The following SYNDIG1 variants were observed in gnomAD, a reference collection of about 807,000 sequenced individuals.
SYNDIG1 encodes synapse differentiation-inducing gene protein 1.
SYNDIG1 carries 9 observed loss-of-function variants against 19.4 expected under a neutral mutation model. The ratio of observed to expected loss-of-function variants is 0.46; its 90% CI spans 0.28 to 0.81. The LOEUF is 0.81. Among genes scored for constraint, SYNDIG1 ranks in the 30% least tolerant of loss-of-function variants. The pLI is 0.12. For missense variants in SYNDIG1, 311 were observed against 343.3 expected, an observed-to-expected ratio of 0.91 and a Z score of 0.74; for synonymous variants, 141 against 145.9, an observed-to-expected ratio of 0.97 and a Z score of 0.24.
chr20:24,543,653 C>G, intron 2 of SYNDIG1, 76 bp downstream of exon 2: 1 of 1,537,382 alleles, frequency 6.5e-7, no homozygotes, highest in East Asian at 2.3e-5. Flanking sequence ...GCCATGAATG[C>G]CTGGCAAAAG....
chr20:24,517,420 C>T (rs1440921793), intron 1 of SYNDIG1, among the ~76,000 whole-genome samples: 1 of 150,396 alleles, frequency 6.6e-6, no homozygotes. Flanking sequence ...TCGAGACCAT[C>T]CTGGCTAACA....
At chr20:24,662,757 A>G (rs562213266) in intron 3 of SYNDIG1, among the ~76,000 whole-genome samples, 3 of 152,382 alleles carry the variant, frequency 2.0e-5, no homozygotes, top group South Asian at 2.1e-4. Context: ...TGAAAGGCCA[A>G]TAAAGTCACA....
At chr20:24,557,876 G>A (rs550437938) in intron 2 of SYNDIG1, among the ~76,000 whole-genome samples, 82 of 152,292 alleles carry the variant, frequency 5.4e-4, no homozygotes, top group Admixed American at 1.9e-3. Flanking sequence ...CTTCTGCGTC[G>A]CTCATGCTAG....
chr20:24,603,419 T>C (rs1568677333), intron 3 of SYNDIG1, among the ~76,000 whole-genome samples: 2 of 151,978 alleles, frequency 1.3e-5, no homozygotes, highest in Non-Finnish European at 2.9e-5. Context: ...GAGGTGCCCA[T>C]AGGTGAGAGC....
At chr20:24,521,031 T>A (rs1349888464) in intron 1 of SYNDIG1, among the ~76,000 whole-genome samples, 1 of 152,184 alleles carries the variant, frequency 6.6e-6, no homozygotes, top group Non-Finnish European at 1.5e-5. Flanking sequence ...TGAGTGTGAC[T>A]ATTCTAGGTA....
intron 1 of SYNDIG1, among the ~76,000 whole-genome samples, chr20:24,521,435 C>T (rs184875078): frequency 1.3e-5 from 2 of 152,226 alleles, no homozygotes; most frequent in Non-Finnish European, 1.5e-5. Context: ...TGTATGGTAA[C>T]TCAGTGTTGA....
chr20:24,509,096 T>C (rs1475278750), intron 1 of SYNDIG1, among the ~76,000 whole-genome samples: 1 of 152,204 alleles, frequency 6.6e-6, no homozygotes, highest in African/African-American at 2.4e-5. Context: ...CCCTGTAATT[T>C]TAGCAGAAAC....
intron 2 of SYNDIG1, among the ~76,000 whole-genome samples, chr20:24,546,680 A>G (rs1302291319): frequency 6.6e-6 from 1 of 152,226 alleles, no homozygotes; most frequent in Non-Finnish European, 1.5e-5. Context: ...AGCCAAGCTC[A>G]GTCAGTGTGG....
intron 1 of SYNDIG1, among the ~76,000 whole-genome samples, chr20:24,526,471 C>T (rs185469230): frequency 6.6e-6 from 1 of 152,222 alleles, no homozygotes; most frequent in Non-Finnish European, 1.5e-5. Context: ...ACTTCTGGAA[C>T]ATTAAAAGAA....
chr20:24,626,246 G>A (rs1439326511), intron 3 of SYNDIG1, among the ~76,000 whole-genome samples: 2 of 151,638 alleles, frequency 1.3e-5, no homozygotes, highest in African/African-American at 2.4e-5. Flanking sequence ...GGACAGGGTG[G>A]CTGCCGGGCG....
At chr20:24,576,414 T>C (rs1047563693) in intron 2 of SYNDIG1, among the ~76,000 whole-genome samples, 2 of 152,226 alleles carry the variant, frequency 1.3e-5, no homozygotes, top group African/African-American at 4.8e-5. Context: ...CTCTAGTTTG[T>C]GGCTGATGAT....
At chr20:24,644,791 C>T (rs1225757123) in intron 3 of SYNDIG1, among the ~76,000 whole-genome samples, 1 of 152,222 alleles carries the variant, frequency 6.6e-6, no homozygotes, top group Non-Finnish European at 1.5e-5. Context: ...TTCATAAGCA[C>T]CCAGTGGTGG....
At chr20:24,617,853 G>GA (rs2058964528) in intron 3 of SYNDIG1, among the ~76,000 whole-genome samples, 1 of 146,148 alleles carries the variant, frequency 6.8e-6, no homozygotes, top group Non-Finnish European at 1.5e-5. Flanking sequence ...TCCTGGGGGA[G>GA]GGTATGGGAG....
At chr20:24,587,758 G>A (rs757749140) in intron 3 of SYNDIG1, among the ~76,000 whole-genome samples, 10 of 152,172 alleles carry the variant, frequency 6.6e-5, no homozygotes, top group Non-Finnish European at 1.5e-4. Context: ...TGATGCACCT[G>A]GGCAAAGAGC....
chr20:24,569,151 C>T (rs1466829619), intron 2 of SYNDIG1, among the ~76,000 whole-genome samples: 6 of 152,336 alleles, frequency 3.9e-5, no homozygotes, highest in African/African-American at 1.4e-4. Context: ...TTTCTGCAAA[C>T]TGAAAACTGT....
intron 3 of SYNDIG1, among the ~76,000 whole-genome samples, chr20:24,605,790 G>T (rs1225170034): frequency 6.6e-6 from 1 of 152,174 alleles, no homozygotes; most frequent in Non-Finnish European, 1.5e-5. Context: ...CATGTTGATT[G>T]TCCAAGGGCA....
At chr20:24,542,693 G>T (rs1423020222) in intron 1 of SYNDIG1, among the ~76,000 whole-genome samples, 1 of 150,286 alleles carries the variant, frequency 6.7e-6, no homozygotes, top group Non-Finnish European at 1.5e-5. Context: ...ATGCTAATGC[G>T]ATTGGGTTTA....
intron 1 of SYNDIG1, among the ~76,000 whole-genome samples, chr20:24,480,888 C>G (rs999562279): frequency 6.6e-6 from 1 of 152,140 alleles, no homozygotes; most frequent in African/African-American, 2.4e-5. Context: ...AAGGCACATA[C>G]GATATGGTTT....
intron 2 of SYNDIG1, among the ~76,000 whole-genome samples, chr20:24,575,744 T>C (rs893692208): frequency 1.9e-4 from 29 of 152,234 alleles, no homozygotes; most frequent in Admixed American, 5.9e-4. Flanking sequence ...GACTAGATAC[T>C]ACTAGGAGGA....
Sources: gnomAD v4.1 joint callset for allele counts (sites outside exome capture counted in the v4.1 genomes callset) on GRCh38, gnomAD v4.1.1 for gene constraint, MANE v1.5 for transcripts, NCBI Gene and HGNC (gene_info 2026-07-23, HGNC 2026-07-21) for gene names.